Variants in MILR1 observed in about 807,000 individuals in gnomAD.
The protein encoded by MILR1 is allergin-1.
MILR1 carries 31 observed loss-of-function variants against 18.5 expected under a neutral mutation model. The ratio of observed to expected loss-of-function variants is 1.68; its 90% CI spans 1.26 to 2.26. The LOEUF is 2.26. Among genes scored for constraint, MILR1 ranks in the 30% most tolerant of loss-of-function variants. The pLI, the probability that MILR1 is intolerant of heterozygous loss-of-function variation, is 0.00. For missense variants in MILR1, 257 were observed against 157.4 expected, an observed-to-expected ratio of 1.63 and a Z score of -3.38; for synonymous variants, 85 against 56.2, an observed-to-expected ratio of 1.51 and a Z score of -2.30.
intron 5 of MILR1, among the ~76,000 whole-genome samples, chr17:64,462,622 T>C (rs1368424691): frequency 1.3e-5 from 2 of 151,978 alleles, no homozygotes; most frequent in Non-Finnish European, 2.9e-5. Flanking sequence ...TGCCATACTT[T>C]TATGGCAAAA....
the MILR1 span, chr17:64,491,721 T>A: frequency 1.1e-6 from 1 of 882,634 alleles, no homozygotes; most frequent in Non-Finnish European, 1.9e-6. Flanking sequence ...GCTGGCAGGG[T>A]ACATGCTCTT....
At chr17:64,461,679 C>T (rs1305091809) in intron 5 of MILR1, among the ~76,000 whole-genome samples, 1 of 152,066 alleles carries the variant, frequency 6.6e-6, no homozygotes, top group African/African-American at 2.4e-5. Context: ...AAGCACGTTC[C>T]CATTGTCATG....
At chr17:64,485,764 C>T in the MILR1 span, 4 of 1,612,968 alleles carry the variant, frequency 2.5e-6, no homozygotes, top group African/African-American at 4.0e-5. Flanking sequence ...TAAAGGAGTT[C>T]TCTGTCAGCT....
intron 6 of MILR1, 136 bp downstream of exon 6, chr17:64,465,677 C>A: frequency 2.5e-6 from 2 of 807,846 alleles, no homozygotes; most frequent in South Asian, 1.8e-5. Context: ...CCCAGTCCCA[C>A]TTTCTAGGGG....
intron 2 of MILR1, among the ~76,000 whole-genome samples, chr17:64,450,672 C>T (rs916901272): frequency 3.3e-5 from 5 of 151,606 alleles, no homozygotes; most frequent in Non-Finnish European, 7.4e-5. Context: ...TTGGTAGAGA[C>T]GGGGTGTCAT....
the MILR1 span, among the ~76,000 whole-genome samples, chr17:64,489,579 A>C: frequency 1.3e-5 from 2 of 151,852 alleles, no homozygotes; most frequent in African/African-American, 2.4e-5. Flanking sequence ...CGGGCAACAA[A>C]GCTAGACCCC....
downstream of MILR1, among the ~76,000 whole-genome samples, chr17:64,470,611 C>G (rs1247894470): frequency 2.0e-5 from 3 of 152,268 alleles, no homozygotes; most frequent in East Asian, 5.8e-4. Context: ...CATCCCAAGG[C>G]CTACCCCGTC....
chr17:64,452,493 T>C (rs1361221901), intron 2 of MILR1, 104 bp from the exon 3 acceptor site: 6 of 406,402 alleles, frequency 1.5e-5, no homozygotes, highest in African/African-American at 1.2e-4. Context: ...CCTCAAGTGA[T>C]CCACCTGCCT....
At chr17:64,467,721 G>C (rs979106925) in intron 9 of MILR1, 76 bp downstream of exon 9, 5 of 871,810 alleles carry the variant, frequency 5.7e-6, no homozygotes. Context: ...ATTACTTGAG[G>C]TCAGGAGTTC....
intron 3 of MILR1, among the ~76,000 whole-genome samples, chr17:64,454,379 A>G (rs1364126051): frequency 3.9e-5 from 6 of 152,336 alleles, no homozygotes; most frequent in Admixed American, 2.6e-4. Context: ...AGCACGTGCC[A>G]TAATTAAAAT....
At chr17:64,461,047 T>C in intron 5 of MILR1, 115 bp downstream of exon 5, 1 of 412,818 alleles carries the variant, frequency 2.4e-6, no homozygotes, top group Non-Finnish European at 4.5e-6. Context: ...AGGGAGAAAA[T>C]GAAAATAGGA....
Position 64,461,252 on chromosome 17 carries a change from T to C in MILR1, c.763+320T>C, listed in dbSNP as rs2037425917. On this transcript the variant is annotated intron_variant, in intron 5 of 9. Transcript: ENST00000619286. ...CATTTGGTATTTGTTTATTTATTTATTTATTTATTTTTGAGACAGAGTTTT... is the reference window on the plus strand; with the variant it reads ...CATTTGGTATTTGTTTATTTATTTACTTATTTATTTTTGAGACAGAGTTTT... Among the ~76,000 whole-genome samples, 2 of 152,086 alleles carry C rather than the reference T, an allele frequency of 1.3e-5. 1 individual carries two copies. Among genetic ancestry groups the C allele is most frequent in the South Asian group, 4.1e-4 (2 of 4,828 alleles).
At chr17:64,470,652 A>T (rs2037674584), downstream of MILR1, among the ~76,000 whole-genome samples, 1 of 152,120 alleles carries the variant, frequency 6.6e-6, no homozygotes, top group Admixed American at 6.5e-5. Context: ...GCAGAGCAGA[A>T]CTGCTAGATG....
At chr17:64,495,397 T>C in the MILR1 span, among the ~76,000 whole-genome samples, 15 of 151,948 alleles carry the variant, frequency 9.9e-5, no homozygotes, top group South Asian at 2.9e-3. Flanking sequence ...CTGGACAACA[T>C]GGCAAAACCT....
chr17:64,450,671 A>T (rs2037150004), intron 2 of MILR1, among the ~76,000 whole-genome samples: 1 of 151,432 alleles, frequency 6.6e-6, no homozygotes, highest in Non-Finnish European at 1.5e-5. Context: ...TTTGGTAGAG[A>T]CGGGGTGTCA....
At chr17:64,452,184 C>T (rs1287104734) in intron 2 of MILR1, among the ~76,000 whole-genome samples, 4 of 151,580 alleles carry the variant, frequency 2.6e-5, no homozygotes, top group African/African-American at 9.7e-5. Flanking sequence ...GTGACCCTCC[C>T]ACCACAGCCT....
chr17:64,481,208 C>A, the MILR1 span: 62 of 868,670 alleles, frequency 7.1e-5, no homozygotes, highest in Non-Finnish European at 8.3e-5. Flanking sequence ...ATCCTAGGAG[C>A]TTCCTAGCTT....
chr17:64,461,006 G>A (rs1418684638), intron 5 of MILR1, 74 bp downstream of exon 5: 14 of 461,094 alleles, frequency 3.0e-5, no homozygotes, highest in Non-Finnish European at 4.4e-5. Flanking sequence ...AGAGGGTGAG[G>A]AGAAAGAGAA....
intron 5 of MILR1, among the ~76,000 whole-genome samples, chr17:64,464,367 C>T (rs2037501818): frequency 6.6e-6 from 1 of 151,470 alleles, no homozygotes; most frequent in Non-Finnish European, 1.5e-5. Flanking sequence ...GCCTCAGCCT[C>T]CCAAAGTGCT....
Sources: gnomAD v4.1 joint callset for allele counts (sites outside exome capture counted in the v4.1 genomes callset) on GRCh38, gnomAD v4.1.1 for gene constraint, MANE v1.5 for transcripts, NCBI Gene and HGNC (gene_info 2026-07-23, HGNC 2026-07-21) for gene names.